The following CYFIP2 variants were observed in gnomAD, a reference collection of about 807,000 sequenced individuals.
The protein encoded by CYFIP2 is cytoplasmic FMR1 interacting protein 2.
In CYFIP2, 29 loss-of-function variants were observed where a neutral mutation model predicts 158.7. The observed-to-expected ratio is 0.18, with a 90% CI of 0.14 to 0.25. The LOEUF (loss-of-function observed/expected upper bound fraction) is 0.25, where lower values mean the gene tolerates loss of function less well. CYFIP2 is among the 10% of genes least tolerant of loss of function. CYFIP2 has a pLI of 1.00. For missense variants in CYFIP2, 852 were observed against 1,639.5 expected (o/e 0.52, Z 8.29); for synonymous variants, 585 against 617.6 (o/e 0.95, Z 0.78).
chr5:157,323,899 T>C (rs892263454), intron 15 of CYFIP2, 22 bp from the exon 16 acceptor site: 2 of 1,530,970 alleles, frequency 1.3e-6, no homozygotes, highest in Non-Finnish European at 1.8e-6. Context: ...TCTGACCTTC[T>C]CATCTTGCTT....
intron 1 of CYFIP2, among the ~76,000 whole-genome samples, chr5:157,282,292 A>G (rs1757048294): frequency 6.6e-6 from 1 of 152,174 alleles, no homozygotes; most frequent in African/African-American, 2.4e-5. Flanking sequence ...GGAGCAAGAG[A>G]GTGGGCAGTG....
rs3052310 is a variant in CYFIP2, at chr5:157,393,207, G to GAAAA, written c.*221_*224dup. 1.1e-5 allele frequency: 3 copies of GAAAA among 280,002 alleles called. No individual in the cohort carries two copies. Among genetic ancestry groups the GAAAA allele is most frequent in the South Asian group, 1.4e-4 (1 of 7,132 alleles). The allele number at this position is 280,002 out of a possible 1,614,324, so 17.3% of individuals were successfully genotyped here. A position where few individuals can be genotyped will look rare whatever the true frequency, so the allele number is the denominator to read the frequency against. Reference sequence around the variant, plus strand: ...ATGCTGGTTTCTCCATAGCATAAATGAAAAAAAAAAAAAAAAAGTAAACAG... The same window carrying GAAAA: ...ATGCTGGTTTCTCCATAGCATAAATGAAAAAAAAAAAAAAAAAAAAAGTAAACAG... On this transcript the variant is annotated 3_prime_UTR_variant, in exon 31 of 31. Transcript: ENST00000620254.
intron 23 of CYFIP2, among the ~76,000 whole-genome samples, chr5:157,356,703 G>A (rs2113341174): frequency 6.6e-6 from 1 of 152,258 alleles, no homozygotes; most frequent in East Asian, 1.9e-4. Context: ...TGCTAACAGG[G>A]CAAAAACTAA....
chr5:157,297,288 G>T (rs1218860764), intron 5 of CYFIP2, among the ~76,000 whole-genome samples: 2 of 152,226 alleles, frequency 1.3e-5, no homozygotes, highest in Admixed American at 6.5e-5. Context: ...GAGGGAAATG[G>T]GAAGGTGGGG....
intron 11 of CYFIP2, among the ~76,000 whole-genome samples, chr5:157,312,716 G>T (rs376941514): frequency 6.6e-6 from 1 of 152,210 alleles, no homozygotes; most frequent in East Asian, 1.9e-4. Flanking sequence ...GCAAGGCCTC[G>T]TGGCCATTAG....
intron 26 of CYFIP2, chr5:157,377,053 G>A (rs1361756023): frequency 5.9e-6 from 2 of 341,106 alleles, no homozygotes; most frequent in African/African-American, 4.4e-5. Flanking sequence ...CAGGTCTCTG[G>A]CCTCTGCTCA....
intron 23 of CYFIP2, among the ~76,000 whole-genome samples, chr5:157,358,088 G>A (rs1429943534): frequency 1.3e-5 from 2 of 152,138 alleles, no homozygotes; most frequent in South Asian, 2.1e-4. Flanking sequence ...GCACCTGGAG[G>A]GTTTCACAAA....
At chr5:157,365,607 CAT>C (rs1764291751) in intron 26 of CYFIP2, 1 of 152,040 alleles carries the variant, frequency 6.6e-6, no homozygotes, top group East Asian at 1.9e-4. Flanking sequence ...GATGAAGGCA[CAT>C]GTCCATGTAG....
rs1297427530 is a variant in CYFIP2 at position 157,328,684 on chromosome 5, C to T, written c.2156+635C>T. Among the ~76,000 whole-genome samples the T allele has an allele frequency of 5.9e-5, 9 of 152,156 alleles. No individual in the cohort carries two copies. The East Asian group carries it at 1.7e-3, about 29-fold the overall frequency. On this transcript the variant is annotated intron_variant, in intron 19 of 30. Transcript: ENST00000620254. Reference sequence around the variant, plus strand: ...GTTTCTCCCGGGAGTGGAATGCCTCCGAATGGTTTCAAAAGTACAACCGTG... The same window carrying T: ...GTTTCTCCCGGGAGTGGAATGCCTCTGAATGGTTTCAAAAGTACAACCGTG...
At chr5:157,307,581 C>T (rs1759338317) in intron 8 of CYFIP2, among the ~76,000 whole-genome samples, 180 bp from the exon 9 acceptor site, 1 of 151,300 alleles carries the variant, frequency 6.6e-6, no homozygotes, top group Admixed American at 6.6e-5. Flanking sequence ...ACTTACATTT[C>T]CTGCCTTTAT....
chr5:157,390,748 G>T (rs1015228736), intron 30 of CYFIP2, 80 bp downstream of exon 30: 8 of 1,541,676 alleles, frequency 5.2e-6, no homozygotes, highest in Non-Finnish European at 5.2e-6. Context: ...AAACAAGGAG[G>T]AGCTGCTTGT....
Position 157,302,887 on chromosome 5 carries a change from C to T in CYFIP2, c.663C>T (p.Thr221=), listed in dbSNP as rs1471756369. ...SMFLANHNRI[T]QCLHQQLEVI... is the part of the protein sequence containing the mutation. ...TCCTGGCCAACCACAACAGGATCAC[C>T]CAGGTGAGGGCAGACTCCTTGTTAG... Residue 221 remains threonine, a synonymous_variant, in exon 7 of 31, where the codon ACC becomes ACT. Coordinates refer to ENST00000620254, the MANE Select transcript of CYFIP2 (RefSeq NM_001037333.3). 1.3e-6 allele frequency: 2 copies of T among 1,572,510 alleles called. No homozygotes were observed. Among genetic ancestry groups the T allele is most frequent in the Middle Eastern group, 1.7e-4 (1 of 6,000 alleles).
Position 157,394,209 on chromosome 5 carries a change from T to C in CYFIP2, c.*1209T>C, listed in dbSNP as rs3734034. On this transcript the variant is annotated 3_prime_UTR_variant, in exon 31 of 31. Transcript: ENST00000620254. Reference sequence around the variant, plus strand: ...TAACATTTACTTCCATTTTCTAGACTGAACCAAAAGTCTTCTGCAGAATCT... The same window carrying C: ...TAACATTTACTTCCATTTTCTAGACCGAACCAAAAGTCTTCTGCAGAATCT... 0.69 allele frequency: 104,631 copies of C among 152,012 alleles called. 36,139 individuals are homozygous for C. Among genetic ancestry groups the C allele is most frequent in the African/African-American group, 0.76 (31,515 of 41,458 alleles). 9.4% of individuals were successfully genotyped at this position (152,012 alleles called of 1,614,324 possible). A position where few individuals can be genotyped will look rare whatever the true frequency, so the allele number is the denominator to read the frequency against.
At chr5:157,292,815 C>CTGTT (rs144601769) in intron 3 of CYFIP2, among the ~76,000 whole-genome samples, 1 of 151,948 alleles carries the variant, frequency 6.6e-6, no homozygotes, top group East Asian at 2.0e-4. Context: ...TGTTGTGACA[C>CTGTT]TGCCAGATTA....
chr5:157,303,492 T>C (rs552935941), intron 7 of CYFIP2, among the ~76,000 whole-genome samples: 1 of 152,318 alleles, frequency 6.6e-6, no homozygotes, highest in South Asian at 2.1e-4. Context: ...CTAAACAGTC[T>C]CTAGCAAGAA....
chr5:157,325,928 G>C, intron 17 of CYFIP2: 1 of 546,796 alleles, frequency 1.8e-6, no homozygotes, highest in Non-Finnish European at 3.2e-6. Flanking sequence ...ACTGCTACCT[G>C]ATGTGTTTTA....
chr5:157,382,491 C>A, intron 26 of CYFIP2, 99 bp from the exon 27 acceptor site: 1 of 1,264,668 alleles, frequency 7.9e-7, no homozygotes. Flanking sequence ...GATTTGAACC[C>A]AGGTCTAGCT....
chr5:157,267,303 G>A (rs1034756143), intron 1 of CYFIP2, among the ~76,000 whole-genome samples: 3 of 152,212 alleles, frequency 2.0e-5, no homozygotes, highest in Non-Finnish European at 1.5e-5. Context: ...CTGCTGGCAG[G>A]AGGGGCAAAT....
chr5:157,305,613 C>T (rs426398), intron 8 of CYFIP2, among the ~76,000 whole-genome samples: 97,930 of 151,830 alleles, frequency 0.64, 33,258 homozygotes, highest in Admixed American at 0.79. Context: ...CAGGCTCAAG[C>T]GATCCTCCCA....
Sources: allele counts gnomAD v4.1 joint callset (sites outside exome capture counted in the v4.1 genomes callset), GRCh38; gene constraint gnomAD v4.1.1; transcripts MANE v1.5; gene names NCBI Gene and HGNC (gene_info 2026-07-23, HGNC 2026-07-21).